DST: variants seen among roughly 807,000 people sequenced by gnomAD.
The protein encoded by DST is dystonin, also known as bullous pemphigoid antigen.
DST carries 253 observed loss-of-function variants against 875.2 expected under a neutral mutation model. The ratio of observed to expected loss-of-function variants is 0.29; its 90% CI spans 0.26 to 0.32. DST has a LOEUF of 0.32. DST is among the 10% of genes least tolerant of loss of function. The probability of loss-of-function intolerance (pLI) is 1.00; values close to 1 mark genes in which losing one functional copy is unlikely to be tolerated. For missense variants in DST, 8,287 were observed against 9,111.6 expected (o/e 0.91, Z 3.68); for synonymous variants, 3,124 against 3,197.1 (o/e 0.98, Z 0.77).
chr6:56,815,212 A>G (rs1394304223), intron 4 of DST, among the ~76,000 whole-genome samples: 1 of 152,202 alleles, frequency 6.6e-6, no homozygotes, highest in Non-Finnish European at 1.5e-5. Context: ...CCTGAAAGGG[A>G]AAAGTAGGGA....
intron 13 of DST, among the ~76,000 whole-genome samples, chr6:56,647,976 G>A (rs1045404592): frequency 1.3e-5 from 2 of 151,988 alleles, no homozygotes; most frequent in Admixed American, 6.5e-5. Context: ...GTGACCCACC[G>A]CACCCGGCCT....
At position 56,501,521 on chromosome 6, in the gene DST, T is replaced by C. The variant is rs1197629922; in HGVS notation, c.19739A>G (p.Gln6580Arg). 4 of 1,547,724 alleles carry C rather than the reference T, an allele frequency of 2.6e-6. No homozygotes were observed. The highest frequency in any genetic ancestry group is 4.8e-5 in the East Asian group (2 of 42,038). Residue 6580 changes from glutamine (Q) to arginine (R), a missense_variant and splice_region_variant, in exon 79 of 104, where the codon CAG becomes CGG. Transcript: ENST00000680361. ...DSLEERIINR[Q>R]HKLEGALLAL... Reference sequence around the variant, plus strand: ...CTTAAGAAAAGTCTTGGTATTTACCTGTCTGTTGATGATTCTCTCCTCCAG... The same window carrying C: ...CTTAAGAAAAGTCTTGGTATTTACCCGTCTGTTGATGATTCTCTCCTCCAG...
chr6:56,649,068 G>A (rs972153104), intron 12 of DST, among the ~76,000 whole-genome samples: 2 of 152,148 alleles, frequency 1.3e-5, no homozygotes, highest in African/African-American at 2.4e-5. Flanking sequence ...CAAGTTAGTT[G>A]CCATCTTTGC....
At chr6:56,525,738 T>C (rs147048122) in intron 69 of DST, among the ~76,000 whole-genome samples, 3,841 of 152,290 alleles carry the variant, frequency 0.025, 74 homozygotes, top group Non-Finnish European at 0.043. Flanking sequence ...ATTACGAACT[T>C]CTATCTCCAG....
chr6:56,771,055 T>A (rs1039023110), intron 4 of DST, among the ~76,000 whole-genome samples: 2 of 149,194 alleles, frequency 1.3e-5, no homozygotes, highest in Non-Finnish European at 3.0e-5. Flanking sequence ...AGGAGTAAGG[T>A]AGGAATTTGA....
chr6:56,482,938 C>CTGTT, intron 88 of DST, 61 bp from the exon 89 acceptor site: 1 of 1,303,310 alleles, frequency 7.7e-7, no homozygotes, highest in Non-Finnish European at 1.0e-6. Context: ...GCAACACATA[C>CTGTT]TGTTTGAGAT....
intron 58 of DST, 109 bp downstream of exon 58, chr6:56,560,185 C>A: frequency 1.8e-6 from 2 of 1,130,136 alleles, no homozygotes; most frequent in South Asian, 2.5e-5. Flanking sequence ...AACATTAAAG[C>A]AAATCCAAAA....
chr6:56,470,992 C>T, intron 95 of DST, 114 bp downstream of exon 95: 1 of 1,162,100 alleles, frequency 8.6e-7, no homozygotes, highest in South Asian at 1.5e-5. Flanking sequence ...ACTTCCTAGG[C>T]AACTTATAAG....
chr6:56,522,854 G>T (rs906873326), intron 69 of DST, among the ~76,000 whole-genome samples: 1 of 152,062 alleles, frequency 6.6e-6, no homozygotes, highest in Non-Finnish European at 1.5e-5. Context: ...ATGATGAATT[G>T]CTCTGAGGCT....
intron 91 of DST, among the ~76,000 whole-genome samples, 187 bp from the exon 92 acceptor site, chr6:56,476,524 T>C (rs1173005641): frequency 6.6e-6 from 1 of 152,246 alleles, no homozygotes; most frequent in Non-Finnish European, 1.5e-5. Context: ...GAGCCCACGA[T>C]GATGTTCATC....
At position 56,634,540 on chromosome 6, in the gene DST, G is replaced by T. The variant is rs2152765510; in HGVS notation, c.3416C>A (p.Thr1139Asn). 10 of 1,614,168 alleles carry T rather than the reference G, an allele frequency of 6.2e-6. No homozygotes were observed. Among genetic ancestry groups the T allele is most frequent in the Non-Finnish European group, 8.5e-6 (10 of 1,180,018 alleles). The change falls in exon 26 of 104, where the codon ACT becomes AAT. Residue 1139 changes from threonine (T) to asparagine (N), a missense_variant. This residue lies in a region of DST where 1,160 missense variants were observed against 1,424.3 expected (regional missense o/e 0.81). Coordinates refer to ENST00000680361, the MANE Select transcript of DST (RefSeq NM_001374736.1). ...HRAKWKVISP[T>N]GNEAMVPSVC... ...AGATGGGACCATAGCCTCATTCCCA[G>T]TAGGACTAATGACCTTCCATTTAGC...
At chr6:56,862,131 AGC>A (rs1562212963) in intron 3 of DST, among the ~76,000 whole-genome samples, 1 of 152,118 alleles carries the variant, frequency 6.6e-6, no homozygotes, top group Non-Finnish European at 1.5e-5. Context: ...TCAGAAAGAA[AGC>A]TCTGCCACAA....
intron 5 of DST, among the ~76,000 whole-genome samples, chr6:56,707,995 C>A (rs1235445387): frequency 6.6e-6 from 1 of 152,118 alleles, no homozygotes; most frequent in East Asian, 1.9e-4. Flanking sequence ...TGGTAAAACC[C>A]CATCTCTACT....
At chr6:56,615,450 C>T (rs2098604285) in intron 36 of DST, 2 of 1,608,776 alleles carry the variant, frequency 1.2e-6, no homozygotes, top group African/African-American at 1.3e-5. Flanking sequence ...CCGATATCAT[C>T]ATACTCTGAA....
intron 9 of DST, among the ~76,000 whole-genome samples, chr6:56,678,072 A>G (rs886689777): frequency 1.3e-5 from 2 of 152,176 alleles, no homozygotes; most frequent in Non-Finnish European, 2.9e-5. Flanking sequence ...TGTAAGTACA[A>G]AAAAAATCAT....
chr6:56,609,983 A>T (rs2098531480), intron 39 of DST, among the ~76,000 whole-genome samples: 1 of 152,216 alleles, frequency 6.6e-6, no homozygotes, highest in Non-Finnish European at 1.5e-5. Flanking sequence ...TACTTTAAGA[A>T]GATGCTAGGG....
At chr6:56,819,880 T>C (rs1591125234) in intron 4 of DST, among the ~76,000 whole-genome samples, 1 of 152,252 alleles carries the variant, frequency 6.6e-6, no homozygotes, top group Admixed American at 6.5e-5. Flanking sequence ...CTTTTCTTGT[T>C]GATTTATATA....
chr6:56,638,890 G>T, intron 22 of DST: 1 of 313,410 alleles, frequency 3.2e-6, no homozygotes, highest in Non-Finnish European at 6.0e-6. Context: ...CAACTCTATG[G>T]ATTAGAGGTA....
intron 3 of DST, among the ~76,000 whole-genome samples, chr6:56,879,399 A>G (rs1780997006): frequency 6.6e-6 from 1 of 151,382 alleles, no homozygotes; most frequent in Admixed American, 6.6e-5. Context: ...GGAACCCGGG[A>G]GGTGGAGTTT....
Sources: gnomAD v4.1 joint callset for allele counts (sites outside exome capture counted in the v4.1 genomes callset) on GRCh38, gnomAD v4.1.1 for gene constraint, gnomAD v4.1.1 regional missense constraint, MANE v1.5 for transcripts, NCBI Gene and HGNC (gene_info 2026-07-23, HGNC 2026-07-21) for gene names.